Variants in FRMD3 observed in about 807,000 individuals in gnomAD.
FRMD3 encodes FERM domain containing 3, also known as FERM domain-containing protein 3.
FRMD3 carries 33 observed loss-of-function variants against 70.2 expected under a neutral mutation model. The ratio of observed to expected loss-of-function variants is 0.47; its 90% CI spans 0.36 to 0.63. FRMD3 has a LOEUF of 0.63. Among genes scored for constraint, FRMD3 ranks in the 20% least tolerant of loss-of-function variants. FRMD3 has a pLI of 0.00. For synonymous variants in FRMD3, 279 were observed against 255.9 expected, an observed-to-expected ratio of 1.09 and a Z score of -0.86; for missense variants, 632 against 711.4, an observed-to-expected ratio of 0.89 and a Z score of 1.27.
intron 1 of FRMD3, among the ~76,000 whole-genome samples, chr9:83,424,185 A>G (rs1322800838): frequency 6.6e-6 from 1 of 152,176 alleles, no homozygotes; most frequent in Non-Finnish European, 1.5e-5. Context: ...GGGAGGAGGC[A>G]CAATGACCCT....
chr9:83,476,765 T>C (rs1828408803), intron 1 of FRMD3, among the ~76,000 whole-genome samples: 1 of 152,210 alleles, frequency 6.6e-6, no homozygotes. Flanking sequence ...TCCTGGGGCT[T>C]TCTTTATCCC....
chr9:83,560,384 G>A, the FRMD3 span, among the ~76,000 whole-genome samples: 1 of 152,292 alleles, frequency 6.6e-6, no homozygotes, highest in East Asian at 1.9e-4. Context: ...ATGCCCCAAA[G>A]AGACACTGCC....
At chr9:83,481,995 A>G (rs1334161745) in intron 1 of FRMD3, among the ~76,000 whole-genome samples, 1 of 151,620 alleles carries the variant, frequency 6.6e-6, no homozygotes, top group Non-Finnish European at 1.5e-5. Flanking sequence ...ACAACAAAGT[A>G]AGTTTACAAG....
intron 1 of FRMD3, among the ~76,000 whole-genome samples, chr9:83,455,505 A>G (rs768515915): frequency 3.5e-4 from 54 of 152,220 alleles, no homozygotes; most frequent in African/African-American, 7.9e-4. Context: ...TTCTCTTGCC[A>G]CTGCCATGTA....
intron 1 of FRMD3, among the ~76,000 whole-genome samples, chr9:83,473,443 T>C (rs1828317698): frequency 6.6e-6 from 1 of 152,256 alleles, no homozygotes; most frequent in African/African-American, 2.4e-5. Flanking sequence ...TCTGTTGCTA[T>C]TTAATTGTTT....
chr9:83,396,962 G>A (rs945548352), intron 1 of FRMD3, among the ~76,000 whole-genome samples: 6 of 152,104 alleles, frequency 3.9e-5, no homozygotes, highest in Non-Finnish European at 5.9e-5. Context: ...TGATGAGCCC[G>A]GGAGCAGTCC....
chr9:83,523,194 G>A (rs1296966997), intron 1 of FRMD3, among the ~76,000 whole-genome samples: 1 of 143,684 alleles, frequency 7.0e-6, no homozygotes, highest in Non-Finnish European at 1.5e-5. Context: ...ATGGATGGAT[G>A]GACGGACGGA....
intron 13 of FRMD3, among the ~76,000 whole-genome samples, chr9:83,265,552 A>G (rs1263290447): frequency 6.6e-5 from 10 of 152,366 alleles, no homozygotes; most frequent in African/African-American, 1.7e-4. Flanking sequence ...ATCTATAAGG[A>G]AAGGACAAAA....
intron 1 of FRMD3, among the ~76,000 whole-genome samples, chr9:83,448,676 G>A (rs1827552058): frequency 6.6e-6 from 1 of 150,612 alleles, no homozygotes; most frequent in Non-Finnish European, 1.5e-5. Context: ...CACAGAGCGG[G>A]AAAAAAAAAT....
intron 7 of FRMD3, 28 bp downstream of exon 7, chr9:83,313,632 A>G: frequency 4.5e-6 from 7 of 1,560,122 alleles, no homozygotes; most frequent in Non-Finnish European, 6.2e-6. Flanking sequence ...CAACCATTAT[A>G]TGGTGACCTG....
chr9:83,509,281 C>G (rs1404127012), intron 1 of FRMD3, among the ~76,000 whole-genome samples: 1 of 152,188 alleles, frequency 6.6e-6, no homozygotes, highest in Non-Finnish European at 1.5e-5. Context: ...CAATCTTTAG[C>G]TCATTTACAT....
At chr9:83,315,983 T>G (rs1835550091) in intron 6 of FRMD3, among the ~76,000 whole-genome samples, 1 of 152,108 alleles carries the variant, frequency 6.6e-6, no homozygotes, top group Non-Finnish European at 1.5e-5. Context: ...TAAGTCTGTG[T>G]CTGGCCTGGA....
intron 10 of FRMD3, among the ~76,000 whole-genome samples, chr9:83,303,771 T>C (rs1414052090): frequency 6.6e-6 from 1 of 152,180 alleles, no homozygotes; most frequent in Non-Finnish European, 1.5e-5. Flanking sequence ...GGTTTTAGTA[T>C]AATTCATGAA....
At chr9:83,456,497 A>G (rs908638232) in intron 1 of FRMD3, among the ~76,000 whole-genome samples, 5 of 152,240 alleles carry the variant, frequency 3.3e-5, no homozygotes, top group African/African-American at 1.2e-4. Context: ...GTGTAATAGA[A>G]GTTACACAAT....
chr9:83,372,859 G>A (rs1825021359), intron 3 of FRMD3, 54 bp downstream of exon 3: 1 of 1,475,114 alleles, frequency 6.8e-7, no homozygotes. Flanking sequence ...TCAGGGAACA[G>A]TATCTATCTT....
chr9:83,314,916 A>G (rs2131065760), intron 6 of FRMD3, among the ~76,000 whole-genome samples: 1 of 152,066 alleles, frequency 6.6e-6, no homozygotes, highest in Non-Finnish European at 1.5e-5. Context: ...TCTAGGTCCT[A>G]GGTCTTTTAA....
At chr9:83,559,992 C>T in the FRMD3 span, among the ~76,000 whole-genome samples, 1 of 152,034 alleles carries the variant, frequency 6.6e-6, no homozygotes, top group African/African-American at 2.4e-5. Flanking sequence ...AAATTCCTTC[C>T]AATGCATCCC....
At chr9:83,383,125 C>G (rs1025429611) in intron 2 of FRMD3, among the ~76,000 whole-genome samples, 16 of 152,196 alleles carry the variant, frequency 1.1e-4, no homozygotes, top group African/African-American at 3.6e-4. Context: ...TACCTTCCAG[C>G]CCTCTGCATC....
At chr9:83,316,851 C>G (rs1835599169) in intron 6 of FRMD3, among the ~76,000 whole-genome samples, 1 of 152,152 alleles carries the variant, frequency 6.6e-6, no homozygotes, top group Non-Finnish European at 1.5e-5. Flanking sequence ...CTCTCCATCT[C>G]TCTCATAAGT....
Sources: gnomAD v4.1 joint callset for allele counts (sites outside exome capture counted in the v4.1 genomes callset) on GRCh38, gnomAD v4.1.1 for gene constraint, MANE v1.5 for transcripts, NCBI Gene and HGNC (gene_info 2026-07-23, HGNC 2026-07-21) for gene names.